OXR1: variants seen among roughly 807,000 people sequenced by gnomAD.
OXR1 encodes the protein oxidation resistance protein 1.
A neutral mutation model predicts 104.6 loss-of-function variants in OXR1; 41 were observed. The ratio of observed to expected loss-of-function variants is 0.39; its 90% confidence interval spans 0.31 to 0.51. The LOEUF is 0.51. OXR1 is among the 20% of genes least tolerant of loss of function. The pLI, the probability that OXR1 is intolerant of heterozygous loss-of-function variation, is 0.77. For synonymous variants in OXR1, 348 were observed against 348.4 expected (o/e 1.00, Z 0.01); for missense variants, 955 against 1,031.9 (o/e 0.93, Z 1.02).
rs548485200 is a variant in OXR1, at chr8:106,543,411, G to A, written c.220+24272G>A. Among the ~76,000 whole-genome samples, 5 of 152,166 alleles carry A rather than the reference G, an allele frequency of 3.3e-5. No individual in the cohort carries two copies. In the South Asian group the frequency reaches 1.0e-3, roughly 32 times the overall value. On this transcript the variant is annotated intron_variant, in intron 3 of 16. Coordinates refer to ENST00000517566, the MANE Select transcript of OXR1 (RefSeq NM_001198533.2). ...AAAGATAAGACCAACAAAAAATCCT[G>A]TAGAAATTGTGTCATTCTTAACCAC...
intron 3 of OXR1, among the ~76,000 whole-genome samples, chr8:106,649,557 A>G (rs761079006): frequency 1.5e-5 from 2 of 134,414 alleles, no homozygotes; most frequent in Admixed American, 1.5e-4. Context: ...ACTTTTTTGG[A>G]AAAAAAAAAA....
intron 3 of OXR1, among the ~76,000 whole-genome samples, chr8:106,611,835 A>C (rs912522384): frequency 1.1e-4 from 17 of 152,222 alleles, no homozygotes; most frequent in African/African-American, 4.1e-4. Context: ...AAAAAATAAA[A>C]TAATGAATTC....
intron 3 of OXR1, among the ~76,000 whole-genome samples, chr8:106,642,458 C>T (rs1238942310): frequency 6.6e-6 from 1 of 152,176 alleles, no homozygotes; most frequent in Non-Finnish European, 1.5e-5. Flanking sequence ...TATCTCAAGG[C>T]TCTGTCATAT....
intron 3 of OXR1, among the ~76,000 whole-genome samples, chr8:106,601,501 A>G (rs1819968783): frequency 6.6e-6 from 1 of 152,156 alleles, no homozygotes; most frequent in African/African-American, 2.4e-5. Context: ...TCCATCTAAT[A>G]TACTAGAAGG....
At chr8:106,311,712 A>G (rs1813709231) in intron 1 of OXR1, among the ~76,000 whole-genome samples, 1 of 152,082 alleles carries the variant, frequency 6.6e-6, no homozygotes, top group South Asian at 2.1e-4. Flanking sequence ...TACCTATACC[A>G]CTGCCTTCAA....
chr8:106,485,673 A>G (rs1272438359), intron 2 of OXR1, among the ~76,000 whole-genome samples: 1 of 152,070 alleles, frequency 6.6e-6, no homozygotes, highest in Non-Finnish European at 1.5e-5. Context: ...CTGCACTTAC[A>G]TATTTAATAT....
At chr8:106,649,241 G>A (rs1354933100) in intron 3 of OXR1, among the ~76,000 whole-genome samples, 1 of 151,426 alleles carries the variant, frequency 6.6e-6, no homozygotes, top group Non-Finnish European at 1.5e-5. Flanking sequence ...CAAAATTGTG[G>A]ACACAATATG....
At chr8:106,518,504 C>T (rs1813016091) in intron 2 of OXR1, among the ~76,000 whole-genome samples, 1 of 152,024 alleles carries the variant, frequency 6.6e-6, no homozygotes, top group South Asian at 2.1e-4. Flanking sequence ...AGCTAAGATG[C>T]TGTATAGATT....
At chr8:106,683,949 G>A (rs1234464510) in intron 5 of OXR1, among the ~76,000 whole-genome samples, 1 of 152,132 alleles carries the variant, frequency 6.6e-6, no homozygotes, top group Non-Finnish European at 1.5e-5. Context: ...TACTATATCA[G>A]AGGATATGTG....
intron 2 of OXR1, among the ~76,000 whole-genome samples, chr8:106,429,442 C>A (rs1431408737): frequency 6.6e-6 from 1 of 152,076 alleles, no homozygotes; most frequent in Non-Finnish European, 1.5e-5. Flanking sequence ...GTTGGATCAC[C>A]TGAGGTCAGG....
At chr8:106,347,475 A>T (rs59647638) in intron 1 of OXR1, among the ~76,000 whole-genome samples, 54,768 of 152,060 alleles carry the variant, frequency 0.36, 10,239 homozygotes, top group Admixed American at 0.44. Context: ...TGTCTAACAG[A>T]GGAAATATCA....
chr8:106,592,971 C>A lies in OXR1; in HGVS notation c.220+73832C>A, dbSNP rs149540851. On this transcript the variant is annotated intron_variant, in intron 3 of 16. Coordinates refer to ENST00000517566, the MANE Select transcript of OXR1 (RefSeq NM_001198533.2). ...ATGTGACCCCTACAGTCTCCTGTTC[C>A]TTTTTCAGGTGTTTTCCTCTGTTTA... Among the ~76,000 whole-genome samples the A allele has an allele frequency of 4.3e-4, 66 of 152,296 alleles. 3 individuals are homozygous for A. The East Asian group carries it at 0.012, about 28-fold the overall frequency.
chr8:106,484,637 A>G (rs1255357263), intron 2 of OXR1, among the ~76,000 whole-genome samples: 1 of 152,072 alleles, frequency 6.6e-6, no homozygotes, highest in Non-Finnish European at 1.5e-5. Flanking sequence ...CACACCTATT[A>G]GAATGGCCAA....
chr8:106,409,205 T>A (rs1818365290), intron 2 of OXR1, among the ~76,000 whole-genome samples: 1 of 152,122 alleles, frequency 6.6e-6, no homozygotes, highest in Non-Finnish European at 1.5e-5. Context: ...CACAGTAGGA[T>A]AACCCCATTA....
chr8:106,728,376 A>T (rs1833551714), intron 11 of OXR1, among the ~76,000 whole-genome samples: 1 of 152,134 alleles, frequency 6.6e-6, no homozygotes, highest in Non-Finnish European at 1.5e-5. Context: ...TGTAAGAGAG[A>T]TTATCACTGA....
At chr8:106,428,718 A>C (rs117788108) in intron 2 of OXR1, among the ~76,000 whole-genome samples, 3,943 of 151,958 alleles carry the variant, frequency 0.026, 70 homozygotes, top group Non-Finnish European at 0.041. Context: ...GATATATTGG[A>C]GTGATGATGA....
At chr8:106,284,840 C>T (rs1586471393) in intron 1 of OXR1, among the ~76,000 whole-genome samples, 1 of 152,048 alleles carries the variant, frequency 6.6e-6, no homozygotes, top group East Asian at 1.9e-4. Flanking sequence ...AATTATTCAG[C>T]TGTTTGCTTG....
intron 2 of OXR1, among the ~76,000 whole-genome samples, chr8:106,401,357 T>C (rs1817992541): frequency 6.6e-6 from 1 of 152,192 alleles, no homozygotes; most frequent in Non-Finnish European, 1.5e-5. Context: ...TATCTTCCTC[T>C]AATTAAGCGT....
At chr8:106,429,938 A>G (rs901535062) in intron 2 of OXR1, among the ~76,000 whole-genome samples, 1 of 152,076 alleles carries the variant, frequency 6.6e-6, no homozygotes, top group Non-Finnish European at 1.5e-5. Context: ...TTTTTCAGTA[A>G]TCTCTGTAAT....
Sources: allele counts gnomAD v4.1 joint callset (sites outside exome capture counted in the v4.1 genomes callset), GRCh38; gene constraint gnomAD v4.1.1; transcripts MANE v1.5; gene names NCBI Gene and HGNC (gene_info 2026-07-23, HGNC 2026-07-21).